EHBP1: variants seen among roughly 807,000 people sequenced by gnomAD.
The protein encoded by EHBP1 is EH domain-binding protein 1.
A neutral mutation model predicts 144.0 loss-of-function variants in EHBP1; 55 were observed. The ratio of observed to expected loss-of-function variants is 0.38; its 90% CI spans 0.31 to 0.48. The LOEUF (loss-of-function observed/expected upper bound fraction) is 0.48. Ranked by LOEUF, EHBP1 falls within the 20% of genes least tolerant of loss-of-function variation. EHBP1 has a pLI of 0.98. For missense variants in EHBP1, 1,200 were observed against 1,364.2 expected (o/e 0.88, Z 1.90); for synonymous variants, 469 against 472.7 (o/e 0.99, Z 0.10).
chr2:62,824,253 T>C (rs911742572), intron 5 of EHBP1, among the ~76,000 whole-genome samples: 1 of 152,006 alleles, frequency 6.6e-6, no homozygotes, highest in Non-Finnish European at 1.5e-5. Flanking sequence ...TAAATAATTA[T>C]ATTAAGGGAT....
intron 5 of EHBP1, among the ~76,000 whole-genome samples, chr2:62,811,010 G>A (rs2044957522): frequency 6.6e-6 from 1 of 152,090 alleles, no homozygotes; most frequent in Non-Finnish European, 1.5e-5. Flanking sequence ...ACTTTAAGTT[G>A]TATTTTAATG....
intron 12 of EHBP1, 66 bp from the exon 13 acceptor site, chr2:62,948,194 C>T (rs768419676): frequency 3.0e-6 from 4 of 1,355,212 alleles, no homozygotes; most frequent in Non-Finnish European, 3.9e-6. Context: ...TAAAAATGTG[C>T]TCTTTTTAAA....
At chr2:62,933,084 C>T (rs1017048172) in intron 10 of EHBP1, among the ~76,000 whole-genome samples, 6 of 150,996 alleles carry the variant, frequency 4.0e-5, no homozygotes, top group Middle Eastern at 3.2e-3. Flanking sequence ...TTGCTATTTA[C>T]AATATTAGAA....
chr2:62,973,023 A>G (rs1423191152), intron 14 of EHBP1, among the ~76,000 whole-genome samples: 1 of 152,206 alleles, frequency 6.6e-6, no homozygotes, highest in African/African-American at 2.4e-5. Context: ...ATTTACATGG[A>G]AATTGATAAA....
At chr2:62,809,633 GT>G (rs2044819671) in intron 5 of EHBP1, among the ~76,000 whole-genome samples, 1 of 152,120 alleles carries the variant, frequency 6.6e-6, no homozygotes, top group South Asian at 2.1e-4. Context: ...CCAATAGGTA[GT>G]TTTTCACCTA....
intron 10 of EHBP1, among the ~76,000 whole-genome samples, chr2:62,903,262 A>G (rs1236118430): frequency 6.6e-6 from 1 of 152,244 alleles, no homozygotes; most frequent in African/African-American, 2.4e-5. Flanking sequence ...GATATAAAAT[A>G]TTTAAACTGC....
chr2:62,962,459 C>G (rs2058050093), intron 14 of EHBP1, among the ~76,000 whole-genome samples: 1 of 152,084 alleles, frequency 6.6e-6, no homozygotes, highest in Non-Finnish European at 1.5e-5. Context: ...TACTTATATA[C>G]TTGTATAGGT....
At chr2:62,710,561 A>G (rs1229733678) in intron 2 of EHBP1, among the ~76,000 whole-genome samples, 2 of 151,896 alleles carry the variant, frequency 1.3e-5, no homozygotes, top group Non-Finnish European at 2.9e-5. Flanking sequence ...GTACAATCAC[A>G]TGGTTCAAAA....
intron 1 of EHBP1, among the ~76,000 whole-genome samples, chr2:62,700,289 A>G (rs937059227): frequency 6.6e-6 from 1 of 152,228 alleles, no homozygotes; most frequent in African/African-American, 2.4e-5. Flanking sequence ...CAGGTTGGCA[A>G]GAAACACAGT....
intron 6 of EHBP1, among the ~76,000 whole-genome samples, chr2:62,829,693 TATA>T (rs950053021): frequency 3.4e-5 from 5 of 146,846 alleles, no homozygotes; most frequent in African/African-American, 1.2e-4. Flanking sequence ...ATATATAATA[TATA>T]ATATATAATA....
chr2:62,966,387 A>G (rs538960549), intron 14 of EHBP1, among the ~76,000 whole-genome samples: 1 of 152,330 alleles, frequency 6.6e-6, no homozygotes, highest in South Asian at 2.1e-4. Context: ...TTGATTAGAC[A>G]GCTCATCTAT....
chr2:62,847,611 A>T (rs920836227), intron 7 of EHBP1, among the ~76,000 whole-genome samples: 3 of 152,200 alleles, frequency 2.0e-5, no homozygotes, highest in Non-Finnish European at 4.4e-5. Context: ...AGGTGGGAAG[A>T]TAGCTTGAGC....
intron 7 of EHBP1, among the ~76,000 whole-genome samples, chr2:62,836,170 A>G (rs1316770002): frequency 1.7e-3 from 253 of 152,114 alleles, no homozygotes; most frequent in Non-Finnish European, 2.9e-3. Context: ...GCCTCCTCAA[A>G]TGGGTCCCTG....
intron 10 of EHBP1, among the ~76,000 whole-genome samples, chr2:62,921,847 T>C (rs982143475): frequency 2.0e-5 from 3 of 152,206 alleles, no homozygotes; most frequent in African/African-American, 7.2e-5. Flanking sequence ...ATGTATACTT[T>C]ATTCTTACAG....
chr2:62,963,602 T>A (rs531245354), intron 14 of EHBP1, among the ~76,000 whole-genome samples: 6 of 152,212 alleles, frequency 3.9e-5, no homozygotes, highest in Non-Finnish European at 8.8e-5. Flanking sequence ...CAAGTTAAAA[T>A]TTCGTATTTT....
intron 5 of EHBP1, among the ~76,000 whole-genome samples, chr2:62,794,833 C>T (rs1052728415): frequency 4.6e-5 from 7 of 151,956 alleles, no homozygotes; most frequent in Non-Finnish European, 1.0e-4. Flanking sequence ...CTCTACACTT[C>T]AAACTACTTA....
chr2:62,949,436 T>C (rs1444937685), intron 13 of EHBP1, among the ~76,000 whole-genome samples: 2 of 152,094 alleles, frequency 1.3e-5, no homozygotes, highest in Non-Finnish European at 2.9e-5. Context: ...ACCTGCTGTA[T>C]ATTTAAGGTT....
intron 10 of EHBP1, among the ~76,000 whole-genome samples, chr2:62,926,491 A>G (rs1422654323): frequency 6.6e-6 from 1 of 152,164 alleles, no homozygotes; most frequent in East Asian, 1.9e-4. Context: ...AATAGCCAAA[A>G]AACAATTGAA....
At chr2:62,831,294 TA>T in intron 7 of EHBP1, 136 bp downstream of exon 7, 1 of 786,830 alleles carries the variant, frequency 1.3e-6, no homozygotes, top group Non-Finnish European at 1.9e-6. Context: ...CAATAAAATA[TA>T]CCATTTAGTT....
Sources: gnomAD v4.1 joint callset for allele counts (sites outside exome capture counted in the v4.1 genomes callset) on GRCh38, gnomAD v4.1.1 for gene constraint, MANE v1.5 for transcripts, NCBI Gene and HGNC (gene_info 2026-07-23, HGNC 2026-07-21) for gene names.